GPC5: variants seen among roughly 807,000 people sequenced by gnomAD.
GPC5 encodes the protein glypican 5, also known as glypican-5.
Under a neutral mutation model 53.9 loss-of-function variants are expected in GPC5, and 47 were observed. The ratio of observed to expected loss-of-function variants is 0.87; its 90% confidence interval spans 0.69 to 1.11. The LOEUF is 1.11. Ranked by LOEUF, GPC5 falls within the 50% of genes most tolerant of loss-of-function variation. GPC5 has a pLI of 0.00. For synonymous variants in GPC5, 286 were observed against 263.3 expected (o/e 1.09, Z -0.84); for missense variants, 748 against 713.1 (o/e 1.05, Z -0.56).
chr13:92,771,524 T>A (rs1337073266), intron 7 of GPC5, among the ~76,000 whole-genome samples: 1 of 152,034 alleles, frequency 6.6e-6, no homozygotes, highest in Non-Finnish European at 1.5e-5. Flanking sequence ...TTTGCATTTT[T>A]AGTAGAGATG....
At chr13:92,463,865 T>G (rs1007781616) in intron 7 of GPC5, among the ~76,000 whole-genome samples, 5 of 152,328 alleles carry the variant, frequency 3.3e-5, no homozygotes, top group Admixed American at 1.3e-4. Context: ...TTTTAGATTA[T>G]TTTGCAATGC....
At chr13:92,759,796 T>C (rs1053145358) in intron 7 of GPC5, among the ~76,000 whole-genome samples, 1 of 152,080 alleles carries the variant, frequency 6.6e-6, no homozygotes, top group Admixed American at 6.6e-5. Context: ...TTGTACCAGA[T>C]CTTAGAAGAA....
chr13:91,562,222 A>G (rs925213571), intron 2 of GPC5, among the ~76,000 whole-genome samples: 1 of 146,212 alleles, frequency 6.8e-6, no homozygotes, highest in African/African-American at 2.5e-5. Context: ...AAAATAGAGA[A>G]TTCACAATGC....
intron 5 of GPC5, among the ~76,000 whole-genome samples, chr13:91,863,241 T>C (rs2039049314): frequency 6.6e-6 from 1 of 152,160 alleles, no homozygotes; most frequent in South Asian, 2.1e-4. Flanking sequence ...ATAATTTCAA[T>C]GTGTCTCATT....
intron 7 of GPC5, among the ~76,000 whole-genome samples, chr13:92,576,903 T>TACAAATTCAATGGAGTAA (rs1345786329): frequency 6.6e-6 from 1 of 152,204 alleles, no homozygotes; most frequent in Non-Finnish European, 1.5e-5. Flanking sequence ...CTATTGCAAT[T>TACAAATTCAATGGAGTAA]ACAAATTCAA....
chr13:91,435,194 G>C (rs1385138026), intron 1 of GPC5, among the ~76,000 whole-genome samples: 1 of 152,184 alleles, frequency 6.6e-6, no homozygotes, highest in East Asian at 1.9e-4. Flanking sequence ...TCTCCTGCCT[G>C]ATTGCCCTGG....
chr13:91,457,926 G>T (rs749060737), intron 2 of GPC5, among the ~76,000 whole-genome samples: 71 of 152,066 alleles, frequency 4.7e-4, no homozygotes, highest in Non-Finnish European at 7.9e-4. Context: ...ATGAAACAAA[G>T]ATCCCTGTCT....
At chr13:91,796,943 A>G (rs1854979) in intron 5 of GPC5, among the ~76,000 whole-genome samples, 54,627 of 151,830 alleles carry the variant, frequency 0.36, 11,133 homozygotes, top group African/African-American at 0.56. Flanking sequence ...TGTATTTGTT[A>G]CCTGTGCTTG....
chr13:92,218,621 T>G (rs1286251369), intron 7 of GPC5, among the ~76,000 whole-genome samples: 1 of 152,162 alleles, frequency 6.6e-6, no homozygotes, highest in Non-Finnish European at 1.5e-5. Context: ...TAAAGGTCCA[T>G]AAAAATCCCA....
chr13:92,595,714 G>A (rs1219500848), intron 7 of GPC5, among the ~76,000 whole-genome samples: 1 of 141,294 alleles, frequency 7.1e-6, no homozygotes, highest in Non-Finnish European at 1.5e-5. Flanking sequence ...CTTGCAGTGA[G>A]CAGAGATCGC....
chr13:92,854,333 TGTA>T (rs1448776445), intron 7 of GPC5, among the ~76,000 whole-genome samples: 6 of 148,024 alleles, frequency 4.1e-5, no homozygotes, highest in Non-Finnish European at 3.0e-5. Context: ...TTACCCCAAC[TGTA>T]GTGATGTTAT....
chr13:92,252,490 C>T (rs2042699263), intron 7 of GPC5, among the ~76,000 whole-genome samples: 1 of 151,894 alleles, frequency 6.6e-6, no homozygotes, highest in African/African-American at 2.4e-5. Flanking sequence ...TGCTTTTTCA[C>T]TTTATATTAC....
At chr13:91,593,564 T>C (rs2032883844) in intron 2 of GPC5, among the ~76,000 whole-genome samples, 1 of 152,214 alleles carries the variant, frequency 6.6e-6, no homozygotes. Flanking sequence ...TTGTTCTGAC[T>C]CTTGTGTCTT....
chr13:92,166,947 C>CTA (rs1555315973), intron 7 of GPC5, among the ~76,000 whole-genome samples: 19 of 59,996 alleles, frequency 3.2e-4, no homozygotes, highest in African/African-American at 1.0e-3. Flanking sequence ...CTCTCTCTCT[C>CTA]TCTCTCTCTC....
At chr13:92,584,613 T>C (rs1235516857) in intron 7 of GPC5, among the ~76,000 whole-genome samples, 1 of 152,180 alleles carries the variant, frequency 6.6e-6, no homozygotes, top group Non-Finnish European at 1.5e-5. Flanking sequence ...TGAAGCTAGC[T>C]GCAGAAATTT....
chr13:92,120,521 G>T (rs2041640452), intron 6 of GPC5, among the ~76,000 whole-genome samples: 1 of 152,018 alleles, frequency 6.6e-6, no homozygotes, highest in Non-Finnish European at 1.5e-5. Context: ...AAAGTGCTAG[G>T]ATTACAGGTG....
chr13:91,592,242 G>T (rs1027673360), intron 2 of GPC5, among the ~76,000 whole-genome samples: 1 of 152,190 alleles, frequency 6.6e-6, no homozygotes, highest in African/African-American at 2.4e-5. Flanking sequence ...TGATCCAGTA[G>T]ATGGCACTTT....
In GPC5 at chr13:91,718,320, T is replaced by C. The variant is rs139624728; in HGVS notation, c.1021-10212T>C. The stretch of plus-strand genomic sequence containing the variant: ...AGAGATGGGGTTTCACCATGTTAGC[T>C]AGGATGGTCTCAATCTCCTGACCTC... On this transcript the variant is annotated intron_variant, in intron 3 of 7. Transcript: ENST00000377067. Among the ~76,000 whole-genome samples, 498 of 151,878 alleles carry C rather than the reference T, an allele frequency of 3.3e-3. 3 individuals are homozygous for C. The highest frequency in any genetic ancestry group is 0.011 in the African/African-American group (440 of 41,428).
At chr13:92,209,839 C>T (rs1029306486) in intron 7 of GPC5, among the ~76,000 whole-genome samples, 5 of 151,978 alleles carry the variant, frequency 3.3e-5, no homozygotes, top group Non-Finnish European at 2.9e-5. Flanking sequence ...TTGACTCACA[C>T]GATTACAAGG....
Sources: allele counts gnomAD v4.1 joint callset (sites outside exome capture counted in the v4.1 genomes callset), GRCh38; gene constraint gnomAD v4.1.1; transcripts MANE v1.5; gene names NCBI Gene and HGNC (gene_info 2026-07-23, HGNC 2026-07-21).